EIF2B3: variants seen among roughly 807,000 people sequenced by gnomAD.
EIF2B3 encodes the protein eukaryotic translation initiation factor 2B subunit gamma, also known as translation initiation factor eIF2B subunit gamma.
A neutral mutation model predicts 54.1 loss-of-function variants in EIF2B3; 20 were observed. That is an observed-to-expected ratio of 0.37 (90% CI 0.26 to 0.54). The LOEUF (loss-of-function observed/expected upper bound fraction) is 0.54, where lower values mean the gene tolerates loss of function less well. EIF2B3 is among the 20% of genes least tolerant of loss of function. The pLI is 0.86. For missense variants in EIF2B3, 448 were observed against 547.8 expected, an observed-to-expected ratio of 0.82 and a Z score of 1.82; for synonymous variants, 153 against 188.1, an observed-to-expected ratio of 0.81 and a Z score of 1.52.
chr1:44,954,094 A>G (rs535272269), intron 3 of EIF2B3, among the ~76,000 whole-genome samples: 36 of 152,358 alleles, frequency 2.4e-4, no homozygotes, highest in Middle Eastern at 3.4e-3. Context: ...TTATAATGCT[A>G]GAAGCCAAAA....
chr1:44,942,410 TATA>T (rs1478827731), intron 3 of EIF2B3, among the ~76,000 whole-genome samples: 35 of 20,334 alleles, frequency 1.7e-3, no homozygotes, highest in Non-Finnish European at 2.8e-3. Flanking sequence ...TATATATATA[TATA>T]TATATTTTTT....
intron 5 of EIF2B3, among the ~76,000 whole-genome samples, chr1:44,910,161 TTTAC>T (rs1226563073): frequency 5.9e-5 from 9 of 152,210 alleles, no homozygotes; most frequent in African/African-American, 2.2e-4. Flanking sequence ...ACAAATATCT[TTTAC>T]TTATGAACTA....
At position 44,941,668 on chromosome 1, in the gene EIF2B3, G is replaced by A. The variant is rs764724963; in HGVS notation, c.295-3C>T. On this transcript the variant is annotated splice_region_variant and splice_polypyrimidine_tract_variant and intron_variant, in intron 3 of 11. Coordinates refer to ENST00000360403, the MANE Select transcript of EIF2B3 (RefSeq NM_020365.5). The stretch of plus-strand genomic sequence containing the variant: ...CAGCTCAGCACCAGCACATCTGTCT[G>A]TTAAATGGAGATGGGAAAAGTCAAT... The A allele has an allele frequency of 1.2e-6, 2 of 1,614,116 alleles. No individual in the cohort carries two copies. Among genetic ancestry groups the A allele is most frequent in the Non-Finnish European group, 1.7e-6 (2 of 1,180,004 alleles).
intron 4 of EIF2B3, among the ~76,000 whole-genome samples, chr1:44,928,884 T>G (rs113535057): frequency 6.6e-6 from 1 of 152,164 alleles, no homozygotes; most frequent in African/African-American, 2.4e-5. Context: ...AGTGACAAAA[T>G]AGCAGAATGA....
chr1:44,859,341 G>C (rs1654538077), intron 10 of EIF2B3, among the ~76,000 whole-genome samples: 1 of 151,628 alleles, frequency 6.6e-6, no homozygotes, highest in South Asian at 2.1e-4. Context: ...TGCCAGGTTG[G>C]AGGAAATGTC....
At chr1:44,900,315 C>T (rs753567387) in intron 5 of EIF2B3, among the ~76,000 whole-genome samples, 2 of 151,774 alleles carry the variant, frequency 1.3e-5, no homozygotes, top group South Asian at 2.1e-4. Flanking sequence ...GGTGTGCTGG[C>T]GGATACCTGT....
At chr1:44,945,553 C>CA (rs199816888) in intron 3 of EIF2B3, among the ~76,000 whole-genome samples, 1,207 of 103,716 alleles carry the variant, frequency 0.012, 15 homozygotes, top group Admixed American at 0.055. Context: ...GACTCCGTCT[C>CA]AAAAAAAAAA....
intron 3 of EIF2B3, among the ~76,000 whole-genome samples, 162 bp from the exon 4 acceptor site, chr1:44,941,827 G>A (rs1369859592): frequency 6.6e-6 from 1 of 152,124 alleles, no homozygotes; most frequent in East Asian, 1.9e-4. Context: ...TGTTCTCATT[G>A]AATTGTGCTG....
chr1:44,941,869 G>T (rs1305037061), intron 3 of EIF2B3, among the ~76,000 whole-genome samples: 1 of 152,118 alleles, frequency 6.6e-6, no homozygotes, highest in African/African-American at 2.4e-5. Context: ...CCTCTCCCTT[G>T]TGTACCTCAG....
At chr1:44,903,646 T>C (rs1279063015) in intron 5 of EIF2B3, among the ~76,000 whole-genome samples, 2 of 152,260 alleles carry the variant, frequency 1.3e-5, no homozygotes, top group East Asian at 3.8e-4. Flanking sequence ...CTAGACACCC[T>C]GTGTGAACAC....
chr1:44,942,417 ATTTTTTTTTT>A (rs34978668), intron 3 of EIF2B3, among the ~76,000 whole-genome samples: 2 of 5,186 alleles, frequency 3.9e-4, no homozygotes, highest in Non-Finnish European at 5.1e-4. Context: ...ATATATATAT[ATTTTTTTTTT>A]TTTTTTTTTT....
chr1:44,943,615 G>A (rs1644063990), intron 3 of EIF2B3, among the ~76,000 whole-genome samples: 1 of 150,606 alleles, frequency 6.6e-6, no homozygotes, highest in Non-Finnish European at 1.5e-5. Flanking sequence ...GTAGAGACAG[G>A]GTCTTCCTAT....
chr1:44,875,657 T>C lies in EIF2B3; in HGVS notation c.1014A>G (p.Pro338=). Residue 338 remains proline (P), a synonymous_variant, in exon 9 of 12, where the codon CCA becomes CCG. Transcript: ENST00000360403. ...CAATCTGGGCTGACGAATGGACTGG[T>C]GGTTCTTCTGGACAGAGAGCAGACA... is the stretch of plus-strand genomic sequence containing the variant. ...KLLSALCPEE[P]PVHSSAQIVS... 6.2e-7 allele frequency: 1 copy of C among 1,614,114 alleles called. No individual in the cohort carries two copies. Among genetic ancestry groups the C allele is most frequent in the East Asian group, 2.2e-5 (1 of 44,872 alleles).
chr1:44,937,673 GGA>G (rs1212638043), intron 4 of EIF2B3, among the ~76,000 whole-genome samples: 1 of 151,722 alleles, frequency 6.6e-6, no homozygotes, highest in East Asian at 1.9e-4. Context: ...CACGAGGTCA[GGA>G]GATCGAGACC....
intron 4 of EIF2B3, among the ~76,000 whole-genome samples, chr1:44,930,209 G>A (rs1237585533): frequency 6.6e-6 from 1 of 152,080 alleles, no homozygotes; most frequent in African/African-American, 2.4e-5. Flanking sequence ...CTACCCTATG[G>A]TAGGTGCTAT....
At position 44,953,085 on chromosome 1, in the gene EIF2B3, C is replaced by T. The variant is rs1448543379; in HGVS notation, c.295-11420G>A. The stretch of plus-strand genomic sequence containing the variant: ...TTTATTCCTCTCCTCTTTGGGATCA[C>T]TCCCGTCAGTATAGAACATACAAAA... On this transcript the variant is annotated intron_variant, in intron 3 of 11. Transcript: ENST00000360403. Among the ~76,000 whole-genome samples the T allele has an allele frequency of 2.0e-5, 3 of 151,280 alleles. No homozygotes were observed. In the East Asian group the frequency reaches 5.8e-4, roughly 29 times the overall value.
At chr1:44,975,394 CT>C (rs149971766) in intron 3 of EIF2B3, among the ~76,000 whole-genome samples, 6,425 of 152,194 alleles carry the variant, frequency 0.042, 184 homozygotes, top group Non-Finnish European at 0.062. Context: ...ATAGAATGTA[CT>C]TACTCAAACC....
chr1:44,881,219 A>G lies in EIF2B3; in HGVS notation c.784+393T>C, dbSNP rs1371674882. On this transcript the variant is annotated intron_variant, in intron 7 of 11. Coordinates refer to ENST00000360403, the MANE Select transcript of EIF2B3 (RefSeq NM_020365.5). The surrounding 1 kb of genome is among the most constrained non-coding windows in gnomAD (Gnocchi z 4.0). The stretch of plus-strand genomic sequence containing the variant: ...TGGGTTGGCCTGTGGTTGGACTGCA[A>G]TTGTACATTCCTTCACTTTCCTTCC... Among the ~76,000 whole-genome samples the G allele has an allele frequency of 2.6e-5, 4 of 152,208 alleles. No homozygotes were observed. Among genetic ancestry groups the G allele is most frequent in the Non-Finnish European group, 5.9e-5 (4 of 68,026 alleles).
intron 5 of EIF2B3, among the ~76,000 whole-genome samples, chr1:44,918,284 G>A (rs529251984): frequency 7.0e-4 from 105 of 150,972 alleles, no homozygotes; most frequent in African/African-American, 2.2e-3. Flanking sequence ...ATTTCACCAT[G>A]TTGACCAGTC....
Sources: gnomAD v4.1 joint callset for allele counts (sites outside exome capture counted in the v4.1 genomes callset) on GRCh38, gnomAD v4.1.1 for gene constraint, Gnocchi (gnomAD v3.1) non-coding constraint, MANE v1.5 for transcripts, NCBI Gene and HGNC (gene_info 2026-07-23, HGNC 2026-07-21) for gene names.